Variants in NSMCE2 observed in about 807,000 individuals in gnomAD.
The protein encoded by NSMCE2 is E3 SUMO-protein ligase NSE2.
In NSMCE2, 24 loss-of-function variants were observed where a neutral mutation model predicts 23.8. That is an observed-to-expected ratio of 1.01 (90% confidence interval 0.73 to 1.42). The LOEUF is 1.42. Ranked by LOEUF, NSMCE2 falls within the 40% of genes most tolerant of loss-of-function variation. The probability of loss-of-function intolerance (pLI) is 0.00; values close to 1 mark genes in which losing one functional copy is unlikely to be tolerated. For synonymous variants in NSMCE2, 92 were observed against 94.1 expected, an observed-to-expected ratio of 0.98 and a Z score of 0.13; for missense variants, 284 against 296.5, an observed-to-expected ratio of 0.96 and a Z score of 0.31.
At chr8:125,321,035 G>A (rs372935336) in intron 5 of NSMCE2, among the ~76,000 whole-genome samples, 1 of 152,168 alleles carries the variant, frequency 6.6e-6, no homozygotes, top group Admixed American at 6.6e-5. Context: ...ACTCTATCAT[G>A]AGAACAGCAC....
chr8:125,329,913 T>A (rs571982776), intron 5 of NSMCE2, among the ~76,000 whole-genome samples: 2 of 152,294 alleles, frequency 1.3e-5, no homozygotes, highest in African/African-American at 4.8e-5. Flanking sequence ...GTGGTGGTGA[T>A]ACCATGTAGT....
chr8:125,124,485 T>C (rs1461705946), intron 3 of NSMCE2, among the ~76,000 whole-genome samples: 1 of 152,052 alleles, frequency 6.6e-6, no homozygotes, highest in Non-Finnish European at 1.5e-5. Flanking sequence ...TCTCTCTCTC[T>C]CTCTCTCTCT....
intron 5 of NSMCE2, among the ~76,000 whole-genome samples, chr8:125,219,471 G>T (rs1377200301): frequency 6.6e-6 from 1 of 152,190 alleles, no homozygotes; most frequent in Non-Finnish European, 1.5e-5. Flanking sequence ...TGCTGCTGCT[G>T]CTGCTGCTAT....
chr8:125,243,712 A>G (rs940425971), intron 5 of NSMCE2, among the ~76,000 whole-genome samples: 3 of 152,208 alleles, frequency 2.0e-5, no homozygotes, highest in African/African-American at 7.2e-5. Context: ...GAGTCAGGTA[A>G]GGTGGAGTGA....
chr8:125,259,568 G>A (rs1012459376), intron 5 of NSMCE2, among the ~76,000 whole-genome samples: 1 of 151,894 alleles, frequency 6.6e-6, no homozygotes, highest in Admixed American at 6.6e-5. Flanking sequence ...CCATGAAACC[G>A]GCCCCTGGCA....
rs865966792 is a variant in NSMCE2, at chr8:125,216,020, C to T, written c.418+33764C>T. Among the ~76,000 whole-genome samples, 10 of 152,310 alleles carry T rather than the reference C, an allele frequency of 6.6e-5. No homozygotes were observed. In the Middle Eastern group the frequency reaches 0.024, roughly 363 times the overall value. ...TGAGCCATGATTGTGCCACTGCACT[C>T]CAGCCTGGGCAGTAGAGCAAGACTA... is the stretch of plus-strand genomic sequence containing the variant. On this transcript the variant is annotated intron_variant, in intron 5 of 7. Transcript: ENST00000287437.
In NSMCE2 at chr8:125,096,270, A is replaced by C. The variant is rs114724308; in HGVS notation, c.-111+4312A>C. On this transcript the variant is annotated intron_variant, in intron 1 of 7. Transcript: ENST00000287437. ...CAGCTAACTTCAAGGAAGGCTGGAA[A>C]ATGTGGAGCATATATAGGCATGTAA... 4.7e-3 allele frequency among the ~76,000 whole-genome samples: 711 copies of C among 152,338 alleles called. 3 individuals carry two copies. Among genetic ancestry groups the C allele is most frequent in the African/African-American group, 0.016 (678 of 41,582 alleles).
chr8:125,355,699 C>CAA (rs140692089), intron 5 of NSMCE2, among the ~76,000 whole-genome samples: 583 of 44,716 alleles, frequency 0.013, 14 homozygotes, highest in African/African-American at 0.029. Flanking sequence ...GACTCCATCT[C>CAA]AAAAAAAAAA....
chr8:125,112,418 C>T (rs1387607705), intron 3 of NSMCE2, among the ~76,000 whole-genome samples: 1 of 152,262 alleles, frequency 6.6e-6, no homozygotes, highest in East Asian at 1.9e-4. Context: ...GGATGTATGT[C>T]AAAGAGATAT....
intron 3 of NSMCE2, among the ~76,000 whole-genome samples, chr8:125,134,028 G>T (rs1369740087): frequency 6.6e-6 from 1 of 152,188 alleles, no homozygotes; most frequent in Non-Finnish European, 1.5e-5. Flanking sequence ...CCAGTTGATG[G>T]TGATGGTGCT....
At chr8:125,105,181 C>T (rs1818396635) in intron 3 of NSMCE2, among the ~76,000 whole-genome samples, 1 of 152,200 alleles carries the variant, frequency 6.6e-6, no homozygotes, top group Non-Finnish European at 1.5e-5. Flanking sequence ...TTCAGTCATT[C>T]ATGGCAGGTG....
intron 5 of NSMCE2, among the ~76,000 whole-genome samples, chr8:125,219,895 A>G (rs1447734982): frequency 6.6e-6 from 1 of 152,214 alleles, no homozygotes; most frequent in Non-Finnish European, 1.5e-5. Context: ...GGTTCGTGCC[A>G]TTCAGAAAGC....
At chr8:125,204,350 AT>A (rs1312969091) in intron 5 of NSMCE2, among the ~76,000 whole-genome samples, 15 of 152,192 alleles carry the variant, frequency 9.9e-5, no homozygotes, top group African/African-American at 3.6e-4. Context: ...CAGTTTGACC[AT>A]TGGGTCCTTC....
At chr8:125,214,794 T>C (rs534020895) in intron 5 of NSMCE2, among the ~76,000 whole-genome samples, 2 of 152,274 alleles carry the variant, frequency 1.3e-5, no homozygotes, top group Admixed American at 1.3e-4. Flanking sequence ...ATGCTGTGTA[T>C]ATTTTTATGG....
chr8:125,231,627 A>T (rs969833864), intron 5 of NSMCE2, among the ~76,000 whole-genome samples: 1 of 152,190 alleles, frequency 6.6e-6, no homozygotes, highest in African/African-American at 2.4e-5. Context: ...ATTAGAAAAC[A>T]CCAGTGTGTA....
At chr8:125,117,774 A>G (rs1178534847) in intron 3 of NSMCE2, among the ~76,000 whole-genome samples, 1 of 152,130 alleles carries the variant, frequency 6.6e-6, no homozygotes, top group African/African-American at 2.4e-5. Flanking sequence ...CCTGAGGACA[A>G]AGATCTCAGT....
At chr8:125,280,785 G>C (rs1192352182) in intron 5 of NSMCE2, among the ~76,000 whole-genome samples, 1 of 152,192 alleles carries the variant, frequency 6.6e-6, no homozygotes, top group Non-Finnish European at 1.5e-5. Flanking sequence ...ACGATTCACT[G>C]ACTAATGGAG....
intron 4 of NSMCE2, among the ~76,000 whole-genome samples, chr8:125,163,533 T>C (rs777742196): frequency 1.3e-5 from 2 of 152,122 alleles, no homozygotes; most frequent in Non-Finnish European, 2.9e-5. Context: ...TAAAATGGGG[T>C]AATAATAGTA....
intron 4 of NSMCE2, among the ~76,000 whole-genome samples, chr8:125,166,937 G>T (rs1821914453): frequency 6.6e-6 from 1 of 152,208 alleles, no homozygotes; most frequent in East Asian, 1.9e-4. Flanking sequence ...GCCAAGGCAG[G>T]AGTATAAGGA....
Sources: gnomAD v4.1 joint callset for allele counts (sites outside exome capture counted in the v4.1 genomes callset) on GRCh38, gnomAD v4.1.1 for gene constraint, MANE v1.5 for transcripts, NCBI Gene and HGNC (gene_info 2026-07-23, HGNC 2026-07-21) for gene names.